Variants in ADGRL3 observed in about 807,000 individuals in gnomAD.
ADGRL3 encodes calcium-independent alpha-latrotoxin receptor 3.
Under a neutral mutation model 153.5 loss-of-function variants are expected in ADGRL3, and 62 were observed. The observed-to-expected ratio is 0.40, with a 90% CI of 0.33 to 0.50. ADGRL3 has a LOEUF of 0.50. ADGRL3 is among the 20% of genes least tolerant of loss of function. ADGRL3 has a pLI of 0.47. For synonymous variants in ADGRL3, 710 were observed against 672.5 expected (o/e 1.06, Z -0.86); for missense variants, 1,641 against 1,859.4 (o/e 0.88, Z 2.16).
intron 5 of ADGRL3, among the ~76,000 whole-genome samples, chr4:61,657,938 T>A (rs2094486323): frequency 6.6e-6 from 1 of 152,138 alleles, no homozygotes; most frequent in Non-Finnish European, 1.5e-5. Flanking sequence ...AGCATGGTAT[T>A]GCAGAGGATC....
At chr4:61,531,635 T>C (rs2098616379) in intron 4 of ADGRL3, among the ~76,000 whole-genome samples, 1 of 152,154 alleles carries the variant, frequency 6.6e-6, no homozygotes, top group Admixed American at 6.5e-5. Context: ...ATTTAACTCC[T>C]ACTTGGGAAG....
chr4:61,473,756 G>A (rs780189341), intron 2 of ADGRL3, among the ~76,000 whole-genome samples: 5 of 151,978 alleles, frequency 3.3e-5, no homozygotes, highest in Admixed American at 2.6e-4. Flanking sequence ...ACTTCTATCT[G>A]TGGGGCCTGG....
At chr4:61,249,679 C>G (rs1049036895) in intron 1 of ADGRL3, among the ~76,000 whole-genome samples, 2 of 152,140 alleles carry the variant, frequency 1.3e-5, no homozygotes, top group African/African-American at 4.8e-5. Context: ...TAGCTGAAAA[C>G]GTTGGGAAAC....
chr4:61,274,607 G>GT (rs912429219), intron 1 of ADGRL3, among the ~76,000 whole-genome samples: 44 of 152,056 alleles, frequency 2.9e-4, no homozygotes, highest in African/African-American at 1.0e-3. Context: ...TTCTGTGTTT[G>GT]TTTTTTTGGT....
At chr4:61,434,043 C>A (rs1436819032) in intron 2 of ADGRL3, among the ~76,000 whole-genome samples, 1 of 152,060 alleles carries the variant, frequency 6.6e-6, no homozygotes, top group Non-Finnish European at 1.5e-5. Flanking sequence ...TTAATCCAAG[C>A]CACCTGATTT....
chr4:62,067,445 T>C (rs1464016767), intron 25 of ADGRL3, among the ~76,000 whole-genome samples: 1 of 152,050 alleles, frequency 6.6e-6, no homozygotes, highest in East Asian at 1.9e-4. Context: ...GAAAACCTAA[T>C]ATTGTTGGTT....
At chr4:61,929,593 C>A (rs982609644) in intron 13 of ADGRL3, among the ~76,000 whole-genome samples, 2 of 152,184 alleles carry the variant, frequency 1.3e-5, no homozygotes, top group African/African-American at 4.8e-5. Flanking sequence ...CATGGCAAAT[C>A]CCTCAGCCAA....
intron 19 of ADGRL3, among the ~76,000 whole-genome samples, chr4:61,989,047 T>G (rs2150953681): frequency 6.6e-6 from 1 of 152,212 alleles, no homozygotes; most frequent in East Asian, 1.9e-4. Context: ...TCTCCTCTGT[T>G]AATTAAAAGA....
intron 9 of ADGRL3, among the ~76,000 whole-genome samples, chr4:61,835,810 G>A (rs1357411885): frequency 6.6e-6 from 1 of 152,106 alleles, no homozygotes; most frequent in Non-Finnish European, 1.5e-5. Context: ...TTGAACCTGG[G>A]CCACCATTGT....
At chr4:61,763,302 C>T (rs2096935335) in intron 8 of ADGRL3, among the ~76,000 whole-genome samples, 1 of 151,730 alleles carries the variant, frequency 6.6e-6, no homozygotes, top group Admixed American at 6.6e-5. Context: ...ATTCTCCTAC[C>T]TCAGCCTCCC....
intron 6 of ADGRL3, among the ~76,000 whole-genome samples, chr4:61,729,193 G>A (rs186816186): frequency 2.6e-5 from 4 of 151,682 alleles, no homozygotes; most frequent in East Asian, 1.9e-4. Context: ...ATGTACCCCC[G>A]ATGCCAAAAT....
At chr4:61,396,075 T>A (rs1225675507) in intron 2 of ADGRL3, among the ~76,000 whole-genome samples, 1 of 151,956 alleles carries the variant, frequency 6.6e-6, no homozygotes, top group Non-Finnish European at 1.5e-5. Context: ...TACTATAGCC[T>A]GTTTTAGCTA....
At chr4:61,726,823 T>C (rs1366066187) in intron 6 of ADGRL3, among the ~76,000 whole-genome samples, 2 of 152,162 alleles carry the variant, frequency 1.3e-5, no homozygotes, top group Admixed American at 1.3e-4. Context: ...TTCTTATAGA[T>C]TACAGAAATA....
Position 62,070,738 on chromosome 4 carries a change from T to C in ADGRL3, c.4462T>C (p.Tyr1488His). The change falls in exon 27 of 27, where the codon TAC becomes CAC. Residue 1488 changes from tyrosine (Y) to histidine (H), a missense_variant. Tyr to His is a moderately conservative substitution (Grantham distance 83). This residue lies in a region of ADGRL3 where 517 missense variants were observed against 555.0 expected (regional missense o/e 0.93). Transcript: ENST00000683033. ...CAAATGTGGTGATGCCGAAGATGTT[T>C]ACTACAAAAGCATGCCAAACCTAGG... ...PAKCGDAEDVYYKSMPNLGSR... is the reference protein window; with the variant it reads ...PAKCGDAEDVHYKSMPNLGSR... 1 of 1,551,618 alleles carries C rather than the reference T, an allele frequency of 6.4e-7. No individual in the cohort carries two copies. Among genetic ancestry groups the C allele is most frequent in the South Asian group, 1.2e-5 (1 of 84,042 alleles).
At chr4:62,061,442 CTTTAG>C (rs1740107680) in intron 25 of ADGRL3, among the ~76,000 whole-genome samples, 2 of 151,846 alleles carry the variant, frequency 1.3e-5, no homozygotes, top group African/African-American at 4.8e-5. Context: ...GTTCAGATTT[CTTTAG>C]TTTAACCTGT....
At chr4:61,961,907 G>A (rs2098989282) in intron 17 of ADGRL3, among the ~76,000 whole-genome samples, 1 of 152,118 alleles carries the variant, frequency 6.6e-6, no homozygotes, top group Non-Finnish European at 1.5e-5. Flanking sequence ...AAAGTTGGAA[G>A]AATGATACAA....
chr4:61,648,523 T>A (rs2094128984), intron 5 of ADGRL3, among the ~76,000 whole-genome samples: 1 of 125,404 alleles, frequency 8.0e-6, no homozygotes, highest in Non-Finnish European at 2.0e-5. Flanking sequence ...GGAATTTTTT[T>A]GTTTTTTTTT....
chr4:61,446,574 A>T (rs2097584704), intron 2 of ADGRL3, among the ~76,000 whole-genome samples: 2 of 152,178 alleles, frequency 1.3e-5, no homozygotes, highest in Non-Finnish European at 2.9e-5. Context: ...GATACTAGTT[A>T]ATGGTCTGTC....
intron 1 of ADGRL3, among the ~76,000 whole-genome samples, chr4:61,356,924 G>C (rs2096183604): frequency 1.3e-5 from 2 of 151,620 alleles, no homozygotes; most frequent in South Asian, 4.2e-4. Context: ...TTTTCTCAAT[G>C]TACTCATTGG....
Sources: gnomAD v4.1 joint callset for allele counts (sites outside exome capture counted in the v4.1 genomes callset) on GRCh38, gnomAD v4.1.1 for gene constraint, gnomAD v4.1.1 regional missense constraint, MANE v1.5 for transcripts, NCBI Gene and HGNC (gene_info 2026-07-23, HGNC 2026-07-21) for gene names.